The following OPHN1 variants were observed in gnomAD, a reference collection of about 807,000 sequenced individuals.
OPHN1 encodes oligophrenin 1.
OPHN1 carries 11 observed loss-of-function variants against 60.7 expected under a neutral mutation model. That is an observed-to-expected ratio of 0.18 (90% CI 0.11 to 0.30). The LOEUF (loss-of-function observed/expected upper bound fraction) is 0.30. OPHN1 is among the 10% of genes least tolerant of loss of function. The pLI is 1.00. For missense variants in OPHN1, 449 were observed against 611.0 expected (o/e 0.73, Z 2.80); for synonymous variants, 226 against 222.6 (o/e 1.02, Z -0.14).
intron 19 of OPHN1, among the ~76,000 whole-genome samples, chrX:68,074,690 A>AT (rs1057294188): frequency 9.1e-6 from 1 of 110,250 alleles, no homozygotes; most frequent in African/African-American, 3.3e-5. Flanking sequence ...TTCCATTTTA[A>AT]TTTTTTTTCT....
intron 15 of OPHN1, among the ~76,000 whole-genome samples, chrX:68,121,506 C>T (rs1367523232): frequency 1.8e-5 from 2 of 111,364 alleles, no homozygotes; most frequent in Non-Finnish European, 3.8e-5. Flanking sequence ...GCATTTAAAC[C>T]AGCCCTAGCT....
chrX:68,173,672 A>AG (rs2077401041), intron 15 of OPHN1, among the ~76,000 whole-genome samples: 1 of 111,179 alleles, frequency 9.0e-6, no homozygotes, highest in African/African-American at 3.3e-5. Context: ...TAGAAAAAAA[A>AG]AAATACAACC....
At chrX:68,152,661 T>C (rs749142574) in intron 15 of OPHN1, among the ~76,000 whole-genome samples, 1 of 109,795 alleles carries the variant, frequency 9.1e-6, no homozygotes, top group East Asian at 3.0e-4. Flanking sequence ...CAGGCTGGTA[T>C]GGAACTCCTG....
intron 2 of OPHN1, among the ~76,000 whole-genome samples, chrX:68,336,272 C>T (rs1274548908): frequency 9.0e-6 from 1 of 110,855 alleles, no homozygotes; most frequent in Non-Finnish European, 1.9e-5. Context: ...CCTGTAATCC[C>T]AACACTTTGG....
chrX:68,209,918 T>A (rs1179318812), intron 9 of OPHN1: 2 of 399,293 alleles, frequency 5.0e-6, no homozygotes, highest in East Asian at 8.8e-5. Context: ...CCATTTTGAA[T>A]CTCAGAGAAA....
At chrX:68,366,975 G>A (rs1407483544) in intron 2 of OPHN1, among the ~76,000 whole-genome samples, 1 of 111,332 alleles carries the variant, frequency 9.0e-6, no homozygotes, top group Non-Finnish European at 1.9e-5. Context: ...GTAAGTTAGG[G>A]AGTGTGGATT....
intron 5 of OPHN1, among the ~76,000 whole-genome samples, chrX:68,269,256 C>A (rs1271899878): frequency 9.0e-6 from 1 of 111,269 alleles, no homozygotes; most frequent in African/African-American, 3.3e-5. Flanking sequence ...TCATATGGAA[C>A]CAAAAAAGAG....
chrX:68,051,203 C>T (rs1407950568), intron 23 of OPHN1, among the ~76,000 whole-genome samples: 1 of 110,976 alleles, frequency 9.0e-6, no homozygotes, highest in Non-Finnish European at 1.9e-5. Flanking sequence ...AAGAGTTCTG[C>T]TCCTGTCACC....
intron 15 of OPHN1, among the ~76,000 whole-genome samples, chrX:68,131,563 G>A (rs1467721118): frequency 8.9e-6 from 1 of 111,864 alleles, no homozygotes; most frequent in East Asian, 2.8e-4. Context: ...ATAAAGATAT[G>A]GCAATTATGA....
At chrX:68,258,886 C>A (rs1013079831) in intron 5 of OPHN1, among the ~76,000 whole-genome samples, 5 of 111,878 alleles carry the variant, frequency 4.5e-5, no homozygotes, top group African/African-American at 1.6e-4. Flanking sequence ...AATTCTCTTG[C>A]ATCTTTCTGA....
chrX:68,157,048 G>A (rs769640097), intron 15 of OPHN1, among the ~76,000 whole-genome samples: 23 of 111,830 alleles, frequency 2.1e-4, no homozygotes, highest in Non-Finnish European at 3.8e-4. Flanking sequence ...ATGGTAAGGC[G>A]GACGACTTTT....
At chrX:68,108,588 T>G (rs1206820464) in intron 18 of OPHN1, among the ~76,000 whole-genome samples, 2 of 111,721 alleles carry the variant, frequency 1.8e-5, no homozygotes, top group African/African-American at 6.5e-5. Context: ...TTATAAGATC[T>G]GTGTGTTTGT....
chrX:68,061,500 A>G (rs1056642539), intron 21 of OPHN1, among the ~76,000 whole-genome samples: 1 of 111,766 alleles, frequency 8.9e-6, no homozygotes, highest in African/African-American at 3.3e-5. Context: ...GAAGGTCACG[A>G]CATGACTTAA....
intron 18 of OPHN1, among the ~76,000 whole-genome samples, chrX:68,100,107 G>T (rs2077051933): frequency 9.0e-6 from 1 of 111,296 alleles, no homozygotes; most frequent in South Asian, 3.8e-4. Context: ...TGATCTAAGG[G>T]GACTTCCAGC....
intron 15 of OPHN1, among the ~76,000 whole-genome samples, chrX:68,175,583 C>A (rs2077411116): frequency 1.8e-5 from 2 of 111,560 alleles, no homozygotes; most frequent in African/African-American, 6.5e-5. Context: ...TACCACACCT[C>A]CCCGATCTTT....
chrX:68,168,719 G>GT (rs2077372849), intron 15 of OPHN1, among the ~76,000 whole-genome samples: 2 of 112,367 alleles, frequency 1.8e-5, no homozygotes, highest in Non-Finnish European at 3.8e-5. Flanking sequence ...CCAGGAGCTG[G>GT]TTTTTTGAAA....
intron 2 of OPHN1, among the ~76,000 whole-genome samples, chrX:68,378,499 T>C (rs1209310145): frequency 8.9e-6 from 1 of 112,058 alleles, no homozygotes; most frequent in African/African-American, 3.2e-5. Context: ...AGACATGAAG[T>C]CCTTGCCCAT....
intron 6 of OPHN1, among the ~76,000 whole-genome samples, chrX:68,224,428 C>T (rs908447071): frequency 4.7e-4 from 52 of 111,213 alleles, no homozygotes; most frequent in Non-Finnish European, 6.8e-4. Flanking sequence ...GAGGGCAAGG[C>T]GGGAAGATCA....
chrX:68,370,981 A>C (rs765918154), intron 2 of OPHN1, among the ~76,000 whole-genome samples: 1 of 111,592 alleles, frequency 9.0e-6, no homozygotes, highest in Admixed American at 9.6e-5. Context: ...GATATACAGA[A>C]AACAAAAACC....
Sources: allele counts gnomAD v4.1 joint callset (sites outside exome capture counted in the v4.1 genomes callset), GRCh38; gene constraint gnomAD v4.1.1; transcripts MANE v1.5; gene names NCBI Gene and HGNC (gene_info 2026-07-23, HGNC 2026-07-21).